Variants in CCR3 observed in about 807,000 individuals in gnomAD.
CCR3 encodes C-C motif chemokine receptor 3.
For missense variants in CCR3, 419 were observed against 437.5 expected, an observed-to-expected ratio of 0.96 and a Z score of 0.38; for synonymous variants, 203 against 179.2, an observed-to-expected ratio of 1.13 and a Z score of -1.06.
At chr3:46,245,158 G>T (rs1700165804) in intron 1 of CCR3, among the ~76,000 whole-genome samples, 2 of 151,970 alleles carry the variant, frequency 1.3e-5, no homozygotes, top group Non-Finnish European at 2.9e-5. Flanking sequence ...GGAAATCCAT[G>T]TGCTGCCCTA....
intron 1 of CCR3, among the ~76,000 whole-genome samples, chr3:46,257,232 C>T (rs959153355): frequency 2.0e-5 from 3 of 152,100 alleles, no homozygotes; most frequent in Admixed American, 6.6e-5. Context: ...CTCTTCAAAA[C>T]ACTTGCTGCA....
At chr3:46,246,409 A>C (rs550922022) in intron 1 of CCR3, among the ~76,000 whole-genome samples, 1 of 152,156 alleles carries the variant, frequency 6.6e-6, no homozygotes, top group South Asian at 2.1e-4. Context: ...GCCGTTTTAT[A>C]GGATTTGGGT....
intron 1 of CCR3, among the ~76,000 whole-genome samples, chr3:46,254,726 A>G (rs1700385054): frequency 6.6e-6 from 1 of 152,172 alleles, no homozygotes; most frequent in South Asian, 2.1e-4. Context: ...TATGAGTGAC[A>G]ATGTACAATG....
chr3:46,250,275 A>C lies in CCR3; in HGVS notation c.-12+7737A>C, dbSNP rs1235791353. Among the ~76,000 whole-genome samples the C allele has an allele frequency of 3.3e-5, 5 of 152,262 alleles. No homozygotes were observed. The East Asian group carries it at 9.6e-4, about 29-fold the overall frequency. On this transcript the variant is annotated intron_variant, in intron 1 of 1. Transcript: ENST00000395940. ...ACCAGGTGTGAGGAGGTGAGGCGAT[A>C]AAAAGATTACAGGGTGGAGGAGTGG...
At chr3:46,212,732 C>T (rs992881216) in intron 2 of CCR3, among the ~76,000 whole-genome samples, 1 of 152,154 alleles carries the variant, frequency 6.6e-6, no homozygotes, top group Admixed American at 6.5e-5. Flanking sequence ...CTGTCCTGCT[C>T]ATCTATCCCA....
At chr3:46,249,796 G>A (rs28820028) in intron 1 of CCR3, among the ~76,000 whole-genome samples, 65,218 of 151,840 alleles carry the variant, frequency 0.43, 15,071 homozygotes, top group East Asian at 0.64. Flanking sequence ...TGGCCACTGC[G>A]GTTCAGGTGT....
chr3:46,212,534 A>C (rs1415121077), intron 2 of CCR3, among the ~76,000 whole-genome samples: 13 of 121,950 alleles, frequency 1.1e-4, no homozygotes, highest in African/African-American at 2.3e-4. Context: ...CTCTCTTTCC[A>C]CCTCCCCTCC....
intron 1 of CCR3, among the ~76,000 whole-genome samples, chr3:46,243,115 A>G (rs988820822): frequency 6.6e-6 from 1 of 151,640 alleles, no homozygotes; most frequent in Admixed American, 6.6e-5. Context: ...AGTTCCTTAT[A>G]TAAAATGATG....
chr3:46,243,935 A>T (rs1320132203), intron 1 of CCR3, among the ~76,000 whole-genome samples: 1 of 152,152 alleles, frequency 6.6e-6, no homozygotes, highest in Non-Finnish European at 1.5e-5. Flanking sequence ...TTGCCCATCT[A>T]ATTGGCCAAG....
intron 1 of CCR3, among the ~76,000 whole-genome samples, chr3:46,263,139 A>T (rs954121045): frequency 6.6e-6 from 1 of 152,260 alleles, no homozygotes; most frequent in Admixed American, 6.5e-5. Flanking sequence ...TTATAGAAAT[A>T]ACACATGAAT....
chr3:46,235,868 C>T (rs554776400), intron 2 of CCR3, among the ~76,000 whole-genome samples: 22 of 152,334 alleles, frequency 1.4e-4, no homozygotes, highest in South Asian at 4.1e-4. Context: ...GAAGGCTCTA[C>T]GCACATCAAA....
intron 1 of CCR3, among the ~76,000 whole-genome samples, chr3:46,262,743 C>A (rs1700550147): frequency 6.6e-6 from 1 of 152,144 alleles, no homozygotes; most frequent in South Asian, 2.1e-4. Context: ...CAGCCTCAAC[C>A]TTCTAGGCTC....
intron 2 of CCR3, among the ~76,000 whole-genome samples, chr3:46,226,408 G>A (rs1161539873): frequency 6.6e-6 from 1 of 152,162 alleles, no homozygotes; most frequent in Non-Finnish European, 1.5e-5. Flanking sequence ...TACTTAGCTA[G>A]AGTTATACCT....
At chr3:46,249,578 C>T (rs1034582410) in intron 1 of CCR3, among the ~76,000 whole-genome samples, 14 of 152,146 alleles carry the variant, frequency 9.2e-5, no homozygotes, top group Non-Finnish European at 1.8e-4. Context: ...AGTCTTCAGC[C>T]GCTAAGCCAA....
intron 2 of CCR3, among the ~76,000 whole-genome samples, chr3:46,232,715 A>G (rs958403881): frequency 6.6e-6 from 1 of 151,804 alleles, no homozygotes; most frequent in Non-Finnish European, 1.5e-5. Flanking sequence ...TCAATGCTAG[A>G]CTCTTGTTCA....
intron 2 of CCR3, among the ~76,000 whole-genome samples, chr3:46,235,752 A>G (rs1409916680): frequency 6.6e-6 from 1 of 152,244 alleles, no homozygotes; most frequent in Non-Finnish European, 1.5e-5. Context: ...ACGAGCCCTC[A>G]CCAGAGGACT....
In CCR3 at chr3:46,266,283, T is replaced by G; in HGVS notation, c.*57T>G. ...GACCAAGGAGATGAAGCAAACACAT[T>G]AAGCCTTCCACACTCACCTCTAAAA... On this transcript the variant is annotated 3_prime_UTR_variant, in exon 2 of 2. Transcript: ENST00000395940. 1 of 1,115,500 alleles carries G rather than the reference T, an allele frequency of 9.0e-7. No individual in the cohort carries two copies. The highest frequency in any genetic ancestry group is 1.3e-6 in the Non-Finnish European group (1 of 757,390). 69.1% of individuals were successfully genotyped at this position (1,115,500 alleles called of 1,614,324 possible).
At chr3:46,223,279 G>T (rs1458632278) in intron 2 of CCR3, among the ~76,000 whole-genome samples, 1 of 152,238 alleles carries the variant, frequency 6.6e-6, no homozygotes, top group Non-Finnish European at 1.5e-5. Flanking sequence ...TGTGGAGGTT[G>T]CAGTGAGCCG....
At chr3:46,242,963 G>GTATATATATATATACACACATATA (rs1553644057) in intron 1 of CCR3, among the ~76,000 whole-genome samples, 4 of 86,290 alleles carry the variant, frequency 4.6e-5, no homozygotes, top group East Asian at 1.4e-3. Context: ...ATATATATGT[G>GTATATATATATATACACACATATA]TATATATATA....
Sources: allele counts gnomAD v4.1 joint callset (sites outside exome capture counted in the v4.1 genomes callset), GRCh38; gene constraint gnomAD v4.1.1; transcripts MANE v1.5; gene names NCBI Gene and HGNC (gene_info 2026-07-23, HGNC 2026-07-21).